PARD3: variants seen among roughly 807,000 people sequenced by gnomAD.
The protein encoded by PARD3 is partitioning defective 3 homolog.
A neutral mutation model predicts 155.4 loss-of-function variants in PARD3; 75 were observed. That is an observed-to-expected ratio of 0.48 (90% CI 0.40 to 0.58). The LOEUF (loss-of-function observed/expected upper bound fraction) is 0.58. PARD3 is among the 20% of genes least tolerant of loss of function. The probability of loss-of-function intolerance (pLI) is 0.00; values close to 1 mark genes in which losing one functional copy is unlikely to be tolerated. For missense variants in PARD3, 1,642 were observed against 1,721.7 expected (o/e 0.95, Z 0.82); for synonymous variants, 576 against 610.5 (o/e 0.94, Z 0.83).
At chr10:34,280,586 A>G (rs1956109941) in intron 21 of PARD3, among the ~76,000 whole-genome samples, 1 of 152,202 alleles carries the variant, frequency 6.6e-6, no homozygotes, top group Non-Finnish European at 1.5e-5. Context: ...CAGAAGCCAG[A>G]AAGTAGAGAC....
chr10:34,359,622 T>C (rs993893143), intron 13 of PARD3, among the ~76,000 whole-genome samples: 25 of 152,272 alleles, frequency 1.6e-4, no homozygotes, highest in Admixed American at 1.4e-3. Flanking sequence ...GAAACACCCA[T>C]AGAGGTTATT....
chr10:34,407,203 A>G (rs982242028), intron 5 of PARD3, among the ~76,000 whole-genome samples: 1 of 152,200 alleles, frequency 6.6e-6, no homozygotes, highest in African/African-American at 2.4e-5. Flanking sequence ...AATGCCTGCC[A>G]AGGGGGTGGA....
At chr10:34,604,645 T>C (rs1032912156) in intron 2 of PARD3, among the ~76,000 whole-genome samples, 3 of 148,632 alleles carry the variant, frequency 2.0e-5, no homozygotes, top group African/African-American at 7.3e-5. Flanking sequence ...ATATATAAAA[T>C]ATATAGAGAT....
chr10:34,238,852 T>G (rs1023180756), intron 22 of PARD3, among the ~76,000 whole-genome samples: 12 of 152,200 alleles, frequency 7.9e-5, no homozygotes, highest in African/African-American at 2.7e-4. Flanking sequence ...AAGCAGCATT[T>G]TTTCCAGCTC....
chr10:34,320,414 A>G (rs1352661958), intron 19 of PARD3, among the ~76,000 whole-genome samples: 1 of 152,236 alleles, frequency 6.6e-6, no homozygotes, highest in Admixed American at 6.5e-5. Flanking sequence ...ATAAACAGAA[A>G]AATGAGCTCA....
rs368934396 is a variant in PARD3, at chr10:34,399,325, G to A, written c.890+5C>T. ...ATTCAATTAAAAACCTCCAAGATAC[G>A]TTACCTGCCGCCTCGAGCACTGAAA... On this transcript the variant is annotated splice_donor_5th_base_variant and intron_variant, in intron 7 of 24. Transcript: ENST00000374788. The A allele has an allele frequency of 1.3e-4, 211 of 1,575,322 alleles. No homozygotes were observed. The highest frequency in any genetic ancestry group is 1.7e-4 in the Non-Finnish European group (199 of 1,144,886).
chr10:34,193,497 T>A (rs1265417956), intron 22 of PARD3, among the ~76,000 whole-genome samples: 2 of 152,204 alleles, frequency 1.3e-5, no homozygotes, highest in African/African-American at 4.8e-5. Context: ...TCCAAACTTC[T>A]AACGGCCTTC....
At chr10:34,164,795 C>T (rs934806754) in intron 22 of PARD3, among the ~76,000 whole-genome samples, 5 of 150,852 alleles carry the variant, frequency 3.3e-5, no homozygotes, top group South Asian at 2.1e-4. Context: ...CCTAGCTGGA[C>T]GCACACACAT....
At chr10:34,787,774 C>CTTT (rs879835386) in intron 1 of PARD3, among the ~76,000 whole-genome samples, 3 of 140,152 alleles carry the variant, frequency 2.1e-5, no homozygotes, top group Admixed American at 7.2e-5. Context: ...AACCAACATC[C>CTTT]TTTTTTTTTT....
intron 4 of PARD3, 31 bp downstream of exon 4, chr10:34,470,054 G>T (rs2078254951): frequency 2.6e-6 from 4 of 1,547,984 alleles, no homozygotes; most frequent in Non-Finnish European, 2.6e-6. Context: ...GGAGGGGCAA[G>T]AGACAGCAGC....
intron 2 of PARD3, among the ~76,000 whole-genome samples, chr10:34,566,897 A>G (rs922644583): frequency 6.6e-6 from 1 of 152,180 alleles, no homozygotes; most frequent in Admixed American, 6.5e-5. Context: ...CTTTTTTTGA[A>G]TGTACTATTT....
chr10:34,485,799 T>C (rs979769323), intron 3 of PARD3, among the ~76,000 whole-genome samples: 11 of 151,986 alleles, frequency 7.2e-5, no homozygotes, highest in African/African-American at 1.7e-4. Flanking sequence ...TCAAAATACA[T>C]CACAGAAATA....
intron 1 of PARD3, among the ~76,000 whole-genome samples, chr10:34,805,844 G>T (rs985501879): frequency 5.3e-5 from 8 of 151,888 alleles, no homozygotes; most frequent in African/African-American, 1.9e-4. Flanking sequence ...AGGCGTGGTG[G>T]TGGGCACCTG....
chr10:34,572,418 C>T (rs1162776309), intron 2 of PARD3, among the ~76,000 whole-genome samples: 1 of 152,084 alleles, frequency 6.6e-6, no homozygotes, highest in Non-Finnish European at 1.5e-5. Context: ...GCAAGCGGAT[C>T]ACTCTGAGGT....
rs66906403 is a variant in PARD3, at chr10:34,485,918, GTTT to G, written c.404-15658_404-15656del. On this transcript the variant is annotated intron_variant, in intron 3 of 24. Coordinates refer to ENST00000374788, the MANE Select transcript of PARD3 (RefSeq NM_001184785.2). ...TAATGTGGCTGTTTAAACGTTTTGG[GTTT>G]TTTTTTTTTTTTTTTTTTTTGAGAC... Among the ~76,000 whole-genome samples, 396 of 95,788 alleles carry G rather than the reference GTTT, an allele frequency of 4.1e-3. 1 individual carries two copies. The highest frequency in any genetic ancestry group is 0.013 in the African/African-American group (272 of 21,156). The allele number at this position is 95,788 out of a possible 152,430, so 62.8% of individuals were successfully genotyped here.
chr10:34,161,237 C>A (rs1241302906), intron 22 of PARD3, among the ~76,000 whole-genome samples: 1 of 102,612 alleles, frequency 9.7e-6, no homozygotes, highest in Non-Finnish European at 1.8e-5. Flanking sequence ...AGAGTGAGAC[C>A]CTGTCTTGAA....
intron 22 of PARD3, among the ~76,000 whole-genome samples, chr10:34,241,759 G>A (rs916493740): frequency 6.6e-6 from 1 of 152,048 alleles, no homozygotes; most frequent in Non-Finnish European, 1.5e-5. Flanking sequence ...GAGGGAGCGA[G>A]GTCTCAACAC....
chr10:34,635,359 T>TGA (rs2092431762), intron 2 of PARD3, among the ~76,000 whole-genome samples: 1 of 152,240 alleles, frequency 6.6e-6, no homozygotes, highest in South Asian at 2.1e-4. Flanking sequence ...GGCATAAGGC[T>TGA]GAGGGCTTGG....
At chr10:34,306,606 G>A (rs1046320425) in intron 20 of PARD3, among the ~76,000 whole-genome samples, 3 of 152,120 alleles carry the variant, frequency 2.0e-5, no homozygotes, top group Non-Finnish European at 4.4e-5. Context: ...CTGAAATCGT[G>A]CCGTCGCACT....
Sources: allele counts gnomAD v4.1 joint callset (sites outside exome capture counted in the v4.1 genomes callset), GRCh38; gene constraint gnomAD v4.1.1; transcripts MANE v1.5; gene names NCBI Gene and HGNC (gene_info 2026-07-23, HGNC 2026-07-21).